The following DOCK11 variants were observed in gnomAD, a reference collection of about 807,000 sequenced individuals.
DOCK11 encodes the protein dedicator of cytokinesis 11.
A neutral mutation model predicts 169.1 loss-of-function variants in DOCK11; 70 were observed. The observed-to-expected ratio is 0.41, with a 90% CI of 0.34 to 0.51. The LOEUF (loss-of-function observed/expected upper bound fraction) is 0.51, where lower values mean the gene tolerates loss of function less well. Ranked by LOEUF, DOCK11 falls within the 20% of genes least tolerant of loss-of-function variation. The pLI, the probability that DOCK11 is intolerant of heterozygous loss-of-function variation, is 0.10. For synonymous variants in DOCK11, 529 were observed against 541.3 expected, an observed-to-expected ratio of 0.98 and a Z score of 0.32; for missense variants, 1,166 against 1,538.8, an observed-to-expected ratio of 0.76 and a Z score of 4.05.
chrX:118,544,962 C>T lies in DOCK11; in HGVS notation c.393-361C>T, dbSNP rs184784877. 1.6e-3 allele frequency among the ~76,000 whole-genome samples: 175 copies of T among 109,324 alleles called. 1 individual carries two copies. The highest frequency in any genetic ancestry group is 5.5e-3 in the African/African-American group (165 of 30,009). 94.9% of individuals were successfully genotyped at this position (109,324 alleles called of 115,157 possible). A position where few individuals can be genotyped will look rare whatever the true frequency, so the allele number is the denominator to read the frequency against. On this transcript the variant is annotated intron_variant, in intron 4 of 52. Transcript: ENST00000276202. ...TTGGGATTACAGGTTTGAGCCACCA[C>T]GCCTGGCCTGTGTTGCTTTTTGACC...
intron 45 of DOCK11, among the ~76,000 whole-genome samples, chrX:118,667,492 T>C (rs763090227): frequency 9.1e-6 from 1 of 109,926 alleles, no homozygotes; most frequent in Non-Finnish European, 1.9e-5. Flanking sequence ...TGAATTTACT[T>C]TGGCACCTTG....
At chrX:118,604,783 C>CA (rs2014450794) in intron 23 of DOCK11, among the ~76,000 whole-genome samples, 1 of 109,987 alleles carries the variant, frequency 9.1e-6, no homozygotes, top group African/African-American at 3.3e-5. Flanking sequence ...GGTGTAGAGC[C>CA]AATTACATAT....
At chrX:118,648,215 T>G (rs766901053) in intron 40 of DOCK11, among the ~76,000 whole-genome samples, 2 of 84,239 alleles carry the variant, frequency 2.4e-5, no homozygotes, top group African/African-American at 9.1e-5. Flanking sequence ...TATTATAATA[T>G]TATATAATAA....
At chrX:118,549,429 C>G (rs1015327151) in intron 6 of DOCK11, among the ~76,000 whole-genome samples, 1 of 111,464 alleles carries the variant, frequency 9.0e-6, no homozygotes, top group Admixed American at 9.6e-5. Context: ...CAGGTGTGAG[C>G]CACTGTGCTC....
intron 40 of DOCK11, among the ~76,000 whole-genome samples, chrX:118,645,830 C>T (rs1176693458): frequency 9.8e-6 from 1 of 102,330 alleles, no homozygotes; most frequent in African/African-American, 3.6e-5. Context: ...GGGCAGATCA[C>T]GAAGTCAGGA....
intron 18 of DOCK11, among the ~76,000 whole-genome samples, chrX:118,589,067 G>T (rs988668401): frequency 9.0e-6 from 1 of 111,310 alleles, no homozygotes; most frequent in Non-Finnish European, 1.9e-5. Context: ...CATCTAGCCA[G>T]CAAGAAGTGT....
At chrX:118,659,483 C>A (rs757669962) in intron 44 of DOCK11, among the ~76,000 whole-genome samples, 1 of 112,079 alleles carries the variant, frequency 8.9e-6, no homozygotes, top group South Asian at 3.7e-4. Context: ...ATCTGAAAAT[C>A]TTTCTAGAAC....
chrX:118,542,167 C>T (rs1365214692), intron 1 of DOCK11, among the ~76,000 whole-genome samples: 1 of 108,859 alleles, frequency 9.2e-6, no homozygotes, highest in Non-Finnish European at 1.9e-5. Context: ...AGTTCTATTT[C>T]TCCAGAACTT....
chrX:118,615,140 G>A, intron 29 of DOCK11, among the ~76,000 whole-genome samples: 2 of 112,239 alleles, frequency 1.8e-5, no homozygotes, highest in South Asian at 7.4e-4. Flanking sequence ...GTCTCACAGA[G>A]CACAGCCTCC....
intron 1 of DOCK11, among the ~76,000 whole-genome samples, chrX:118,510,342 G>A (rs1205106691): frequency 8.9e-6 from 1 of 112,243 alleles, no homozygotes; most frequent in Non-Finnish European, 1.9e-5. Context: ...GCGAATTTTG[G>A]CTGAAAGAAA....
chrX:118,685,952 A>G lies in DOCK11; in HGVS notation c.*145A>G, dbSNP rs1289404119. 12 of 732,904 alleles carry G rather than the reference A, an allele frequency of 1.6e-5. No individual in the cohort carries two copies. The African/African-American group carries it at 2.4e-4, about 15-fold the overall frequency. 60.4% of individuals were successfully genotyped at this position (732,904 alleles called of 1,213,427 possible). A position where few individuals can be genotyped will look rare whatever the true frequency, so the allele number is the denominator to read the frequency against. On this transcript the variant is annotated 3_prime_UTR_variant, in exon 53 of 53. Coordinates refer to ENST00000276202, the MANE Select transcript of DOCK11 (RefSeq NM_144658.4). ...TCATGTGTTCCAACAGGGTGCTTAC[A>G]TATTTGTAAATAAGCAACTTGAAAG...
At chrX:118,600,982 G>A (rs1569426884) in intron 23 of DOCK11, among the ~76,000 whole-genome samples, 1 of 111,269 alleles carries the variant, frequency 9.0e-6, no homozygotes, top group Non-Finnish European at 1.9e-5. Flanking sequence ...ATAGGAATAT[G>A]GAGCTTTGGA....
chrX:118,499,891 T>C (rs1410262523), intron 1 of DOCK11, among the ~76,000 whole-genome samples: 1 of 111,626 alleles, frequency 9.0e-6, no homozygotes, highest in Non-Finnish European at 1.9e-5. Flanking sequence ...AAAAGACCGG[T>C]GCAGGTTGCT....
At chrX:118,563,771 G>A (rs945172373) in intron 7 of DOCK11, among the ~76,000 whole-genome samples, 15 of 105,688 alleles carry the variant, frequency 1.4e-4, no homozygotes, top group African/African-American at 4.8e-4. Context: ...GTGCAGTGGC[G>A]CAATCTCAGC....
intron 45 of DOCK11, among the ~76,000 whole-genome samples, chrX:118,667,553 T>C (rs1347357241): frequency 9.0e-6 from 1 of 110,903 alleles, no homozygotes; most frequent in African/African-American, 3.3e-5. Context: ...GGATTCTCGG[T>C]TCTCTTCCAC....
chrX:118,554,705 G>A (rs899418531), intron 6 of DOCK11, among the ~76,000 whole-genome samples: 1 of 111,760 alleles, frequency 8.9e-6, no homozygotes, highest in African/African-American at 3.3e-5. Flanking sequence ...GCGGGGCCTC[G>A]AAGGAAGTGA....
chrX:118,564,697 C>A (rs1230524630), intron 7 of DOCK11, among the ~76,000 whole-genome samples: 2 of 94,240 alleles, frequency 2.1e-5, no homozygotes, highest in African/African-American at 7.3e-5. Flanking sequence ...TTCTTTCTTT[C>A]TGTTTCTTTC....
intron 18 of DOCK11, among the ~76,000 whole-genome samples, chrX:118,589,605 C>A (rs968362827): frequency 1.8e-5 from 2 of 111,752 alleles, no homozygotes; most frequent in Admixed American, 1.9e-4. Flanking sequence ...TTCCTTGGAA[C>A]CATAGAAAGC....
rs1466175028 is a variant in DOCK11, at chrX:118,578,572, C to T, written c.1437C>T (p.Ala479=). 1.7e-6 allele frequency: 2 copies of T among 1,206,686 alleles called. No individual in the cohort carries two copies. The change falls in exon 13 of 53, where the codon GCC becomes GCT. Residue 479 remains alanine (A), a synonymous_variant. Transcript: ENST00000276202. ...CACATCCTGAAATTTTTCTAGTTGC[C>T]AGAATTGAAAAGGTACTACAGGGAA... The part of the protein sequence containing the change: ...TNPHPEIFLV[A]RIEKVLQGNI...
Sources: allele counts gnomAD v4.1 joint callset (sites outside exome capture counted in the v4.1 genomes callset), GRCh38; gene constraint gnomAD v4.1.1; transcripts MANE v1.5; gene names NCBI Gene and HGNC (gene_info 2026-07-23, HGNC 2026-07-21).